NTNG2: variants seen among roughly 807,000 people sequenced by gnomAD.
NTNG2 encodes the protein netrin-G2.
In NTNG2, 15 loss-of-function variants were observed where a neutral mutation model predicts 47.6. The observed-to-expected ratio is 0.32, with a 90% CI of 0.21 to 0.49. The LOEUF (loss-of-function observed/expected upper bound fraction) is 0.49. Ranked by LOEUF, NTNG2 falls within the 20% of genes least tolerant of loss-of-function variation. The pLI, the probability that NTNG2 is intolerant of heterozygous loss-of-function variation, is 0.99. For missense variants in NTNG2, 578 were observed against 764.6 expected, an observed-to-expected ratio of 0.76 and a Z score of 2.88; for synonymous variants, 307 against 324.6, an observed-to-expected ratio of 0.95 and a Z score of 0.58.
chr9:132,164,638 G>A (rs1012102748), intron 1 of NTNG2, among the ~76,000 whole-genome samples: 1 of 152,248 alleles, frequency 6.6e-6, no homozygotes, highest in Non-Finnish European at 1.5e-5. Context: ...AATAGACACC[G>A]GGCACGTTCT....
chr9:132,229,504 C>A (rs1490209030), intron 4 of NTNG2, among the ~76,000 whole-genome samples: 1 of 152,222 alleles, frequency 6.6e-6, no homozygotes, highest in Non-Finnish European at 1.5e-5. Flanking sequence ...GCCCATCACC[C>A]TCCAGGGCCC....
intron 3 of NTNG2, among the ~76,000 whole-genome samples, chr9:132,219,410 T>C (rs1840202028): frequency 6.6e-6 from 1 of 150,986 alleles, no homozygotes; most frequent in Non-Finnish European, 1.5e-5. Context: ...CCATCTGTAC[T>C]AAAAATACAA....
At chr9:132,234,000 C>T (rs930074848) in intron 5 of NTNG2, 5 of 151,292 alleles carry the variant, frequency 3.3e-5, no homozygotes, top group African/African-American at 7.3e-5. Context: ...GTCCTGAGGC[C>T]TCCAGGGGCT....
At chr9:132,177,803 A>T (rs1348034854) in intron 2 of NTNG2, among the ~76,000 whole-genome samples, 2 of 152,110 alleles carry the variant, frequency 1.3e-5, no homozygotes, top group African/African-American at 4.8e-5. Flanking sequence ...GATTACAGGC[A>T]CTAGCCAGCA....
At chr9:132,229,414 C>G (rs1436108753) in intron 4 of NTNG2, among the ~76,000 whole-genome samples, 1 of 152,168 alleles carries the variant, frequency 6.6e-6, no homozygotes. Flanking sequence ...CAAGTCTCTC[C>G]CAATGCCATC....
rs374591802 is a variant in NTNG2, at chr9:132,230,532, C to T, written c.1031-40C>T. On this transcript the variant is annotated intron_variant, in intron 4 of 7. Transcript: ENST00000393229. ...CAGGGAGGTGACACCCAGGCCCCTT[C>T]CCCTGGGGCAGCCAGCTCACGCCCG... 3 of 1,584,724 alleles carry T rather than the reference C, an allele frequency of 1.9e-6. No homozygotes were observed. In the African/African-American group the frequency reaches 4.0e-5, roughly 21 times the overall value.
intron 3 of NTNG2, among the ~76,000 whole-genome samples, chr9:132,223,173 A>G (rs924539780): frequency 5.9e-5 from 9 of 152,124 alleles, no homozygotes; most frequent in Non-Finnish European, 1.2e-4. Context: ...ATTCTGCAGG[A>G]TAATTCGAGG....
chr9:132,169,289 C>T (rs1437070566), intron 2 of NTNG2, among the ~76,000 whole-genome samples: 2 of 152,232 alleles, frequency 1.3e-5, no homozygotes, highest in African/African-American at 2.4e-5. Flanking sequence ...AATGTGTGTC[C>T]GATGAGGACG....
chr9:132,189,736 T>C (rs2130636884), intron 2 of NTNG2, among the ~76,000 whole-genome samples: 1 of 152,102 alleles, frequency 6.6e-6, no homozygotes, highest in Middle Eastern at 3.4e-3. Flanking sequence ...GCCTCCCAGG[T>C]TCAAATGATT....
intron 2 of NTNG2, among the ~76,000 whole-genome samples, chr9:132,189,068 C>CTTTGTTTTTTTTTTTTTTTTTTTTT (rs1837640741): frequency 1.1e-5 from 1 of 93,232 alleles, no homozygotes; most frequent in Admixed American, 1.2e-4. Context: ...TTAAGCCTTT[C>CTTTGTTTTTTTTTTTTTTTTTTTTT]TTTTTTTTTT....
At chr9:132,205,187 G>A (rs549519949) in intron 3 of NTNG2, among the ~76,000 whole-genome samples, 1 of 152,166 alleles carries the variant, frequency 6.6e-6, no homozygotes, top group Non-Finnish European at 1.5e-5. Context: ...TTTATTCAGA[G>A]TAGTCAAAAG....
Position 132,231,397 on chromosome 9 carries a change from C to G in NTNG2, c.1054+802C>G, listed in dbSNP as rs1841210372. On this transcript the variant is annotated intron_variant, in intron 5 of 7. Transcript: ENST00000393229. The surrounding 1 kb of genome is among the most constrained non-coding windows in gnomAD (Gnocchi z 4.1). ...CCAGCCGGGAGCAGACCCCAAATCTCAGAGATGCTTCTGGGGTGCACCGTC... is the reference window on the plus strand; with the variant it reads ...CCAGCCGGGAGCAGACCCCAAATCTGAGAGATGCTTCTGGGGTGCACCGTC... The G allele has an allele frequency of 2.2e-6, 1 of 454,032 alleles. No individual in the cohort carries two copies. Among genetic ancestry groups the G allele is most frequent in the Non-Finnish European group, 4.4e-6 (1 of 225,592 alleles). 28.1% of individuals were successfully genotyped at this position (454,032 alleles called of 1,614,324 possible). A position where few individuals can be genotyped will look rare whatever the true frequency, so the allele number is the denominator to read the frequency against.
chr9:132,185,771 A>G (rs1415169452), intron 2 of NTNG2, among the ~76,000 whole-genome samples: 2 of 150,480 alleles, frequency 1.3e-5, no homozygotes, highest in Non-Finnish European at 2.9e-5. Flanking sequence ...TGAAGCCCTG[A>G]GTAGGGAGTG....
chr9:132,217,562 G>T (rs531018789), intron 3 of NTNG2, among the ~76,000 whole-genome samples: 12 of 152,324 alleles, frequency 7.9e-5, no homozygotes, highest in East Asian at 3.9e-4. Flanking sequence ...TCTGCATAAG[G>T]TTCCTGTGAA....
At chr9:132,188,533 G>A (rs1037642150) in intron 2 of NTNG2, among the ~76,000 whole-genome samples, 3 of 152,198 alleles carry the variant, frequency 2.0e-5, no homozygotes, top group East Asian at 3.8e-4. Context: ...TCTGAGTCTC[G>A]GTTTCCTGAG....
chr9:132,168,727 G>A (rs1026582601), intron 2 of NTNG2, among the ~76,000 whole-genome samples: 2 of 152,178 alleles, frequency 1.3e-5, no homozygotes, highest in African/African-American at 4.8e-5. Context: ...CAAAGCCGGT[G>A]GGAGGGTTCT....
chr9:132,211,661 T>C (rs918423358), intron 3 of NTNG2, among the ~76,000 whole-genome samples: 1 of 152,160 alleles, frequency 6.6e-6, no homozygotes, highest in African/African-American at 2.4e-5. Context: ...CCCTCAGGAC[T>C]TGGCTCAGAG....
chr9:132,188,367 C>T (rs1451442786), intron 2 of NTNG2, among the ~76,000 whole-genome samples: 3 of 152,258 alleles, frequency 2.0e-5, no homozygotes, highest in African/African-American at 4.8e-5. Context: ...TCTGCGGGAG[C>T]ACAGTGCGGC....
At chr9:132,207,766 CA>C (rs1267655250) in intron 3 of NTNG2, among the ~76,000 whole-genome samples, 1 of 152,174 alleles carries the variant, frequency 6.6e-6, no homozygotes, top group Non-Finnish European at 1.5e-5. Flanking sequence ...CAGAAATCAA[CA>C]AACCCAGTAC....
Sources: gnomAD v4.1 joint callset for allele counts (sites outside exome capture counted in the v4.1 genomes callset) on GRCh38, gnomAD v4.1.1 for gene constraint, Gnocchi (gnomAD v3.1) non-coding constraint, MANE v1.5 for transcripts, NCBI Gene and HGNC (gene_info 2026-07-23, HGNC 2026-07-21) for gene names.